Variants in MICAL2 observed in about 807,000 individuals in gnomAD.
MICAL2 encodes the protein microtubule associated monooxygenase, calponin and LIM domain containing 2.
Under a neutral mutation model 127.3 loss-of-function variants are expected in MICAL2, and 77 were observed. The observed-to-expected ratio is 0.60, with a 90% CI of 0.50 to 0.73. The LOEUF is 0.73. MICAL2 is among the 30% of genes least tolerant of loss of function. MICAL2 has a pLI of 0.00. For missense variants in MICAL2, 1,351 were observed against 1,434.4 expected, an observed-to-expected ratio of 0.94 and a Z score of 0.94; for synonymous variants, 570 against 551.1, an observed-to-expected ratio of 1.03 and a Z score of -0.48.
chr11:12,335,634 G>T (rs1938740501), intron 32 of MICAL2, among the ~76,000 whole-genome samples: 1 of 152,110 alleles, frequency 6.6e-6, no homozygotes, highest in Non-Finnish European at 1.5e-5. Flanking sequence ...TTTTGTATAA[G>T]GTGTAAGGAA....
chr11:12,248,548 G>C (rs936373262), intron 21 of MICAL2, among the ~76,000 whole-genome samples: 1 of 152,240 alleles, frequency 6.6e-6, no homozygotes, highest in Non-Finnish European at 1.5e-5. Flanking sequence ...CAAGTGGGAG[G>C]GGTGGGGGCC....
chr11:12,323,439 A>G (rs1864322444), intron 30 of MICAL2, among the ~76,000 whole-genome samples: 1 of 152,138 alleles, frequency 6.6e-6, no homozygotes, highest in Non-Finnish European at 1.5e-5. Flanking sequence ...GTAGTGAGAG[A>G]GAGAGAGTAT....
chr11:12,231,580 A>G (rs73418141), intron 15 of MICAL2, among the ~76,000 whole-genome samples: 9,038 of 152,274 alleles, frequency 0.059, 406 homozygotes, highest in East Asian at 0.28. Context: ...AGTTCTCCTC[A>G]GTACTGGGGA....
intron 3 of MICAL2, chr11:12,197,343 G>A (rs1321478427): frequency 6.6e-6 from 1 of 152,234 alleles, no homozygotes; most frequent in Non-Finnish European, 1.5e-5. Context: ...GCCTAATTCA[G>A]GGTGATTGTA....
At position 12,242,395 on chromosome 11, in the gene MICAL2, T is replaced by A. The variant is rs1256643388; in HGVS notation, c.2519T>A (p.Leu840Gln). 1 of 1,610,726 alleles carries A rather than the reference T, an allele frequency of 6.2e-7. No homozygotes were observed. The change falls in exon 19 of 28, where the codon CTG becomes CAG. Residue 840 changes from leucine (L) to glutamine (Q), a missense_variant. Leu to Gln is a moderately radical substitution (Grantham distance 113). This residue lies in a region of MICAL2 where 752 missense variants were observed against 719.4 expected (regional missense o/e 1.05). Coordinates refer to ENST00000683283, the MANE Select transcript of MICAL2 (RefSeq NM_001282663.2). ...AGGGCGCAGGCTCTTTCCGGGGTGC[T>A]GTGGCGGCTGCAGCAAGTGGAGGAA... ...RPRAQALSGV[L>Q]WRLQQVEEKI...
intron 5 of MICAL2, among the ~76,000 whole-genome samples, chr11:12,209,020 AT>A (rs11382193): frequency 5.6e-4 from 85 of 150,668 alleles, no homozygotes; most frequent in East Asian, 1.2e-3. Context: ...GCTTCACCTG[AT>A]TTTTTTTTTT....
In MICAL2 at chr11:12,283,997, A is replaced by G. The variant is rs140611021; in HGVS notation, c.254+2898A>G. Among the ~76,000 whole-genome samples, 3 of 152,308 alleles carry G rather than the reference A, an allele frequency of 2.0e-5. No individual in the cohort carries two copies. In the East Asian group the frequency reaches 5.8e-4, roughly 29 times the overall value. On this transcript the variant is annotated intron_variant, in intron 2 of 2. Coordinates refer to the MICAL2 transcript ENST00000529028. ...GTGCCAAGTGTGTGCATTCTGTGTA[A>G]GCATCCCCAGGGGCTTTGACACAGT...
chr11:12,340,470 AT>A (rs559766169), intron 32 of MICAL2, among the ~76,000 whole-genome samples: 95 of 152,328 alleles, frequency 6.2e-4, no homozygotes, highest in African/African-American at 2.1e-3. Context: ...TTGGAAAACA[AT>A]TGGGCTTTAG....
intron 3 of MICAL2, among the ~76,000 whole-genome samples, chr11:12,162,923 C>G (rs1240296974): frequency 6.6e-6 from 1 of 152,176 alleles, no homozygotes; most frequent in Admixed American, 6.5e-5. Flanking sequence ...GGCATAGTTA[C>G]AGAGTTGTGT....
intron 32 of MICAL2, among the ~76,000 whole-genome samples, chr11:12,339,604 G>C (rs1055371743): frequency 1.3e-5 from 2 of 152,092 alleles, no homozygotes; most frequent in African/African-American, 4.8e-5. Flanking sequence ...TTTGATGATG[G>C]TGATGTACAG....
chr11:12,202,120 CT>C lies in MICAL2; in HGVS notation c.265-2129del, dbSNP rs1223978981. ...CTGGGCAACAAGAGTGAAACTGTGT[CT>C]CAAAAAAAAAAAAGACTTTTACCAT... is the stretch of plus-strand genomic sequence containing the variant. On this transcript the variant is annotated intron_variant, in intron 3 of 27. Transcript: ENST00000683283. Among the ~76,000 whole-genome samples the C allele has an allele frequency of 1.5e-3, 25 of 16,230 alleles. No homozygotes were observed. The South Asian group carries it at 0.041, about 27-fold the overall frequency. The allele number at this position is 16,230 out of a possible 152,430, so 10.6% of individuals were successfully genotyped here.
intron 2 of MICAL2, among the ~76,000 whole-genome samples, chr11:12,283,114 T>C (rs1863789338): frequency 6.6e-6 from 1 of 152,190 alleles, no homozygotes; most frequent in African/African-American, 2.4e-5. Context: ...GTGGACCACA[T>C]TGTACAGTTA....
At chr11:12,140,054 A>G (rs1004716634) in intron 2 of MICAL2, among the ~76,000 whole-genome samples, 3 of 152,174 alleles carry the variant, frequency 2.0e-5, no homozygotes, top group Non-Finnish European at 2.9e-5. Context: ...ACTGACTGCC[A>G]GTTTCATCTC....
chr11:12,293,700 G>A (rs773774235), downstream of MICAL2: 3 of 1,613,934 alleles, frequency 1.9e-6, no homozygotes, highest in Non-Finnish European at 1.7e-6. Context: ...AAGCCAGAGT[G>A]GGCAGAGTAC....
rs112488844 is a variant in MICAL2 at position 12,130,004 on chromosome 11, C to T, written c.-148-8386C>T. ...CTGGGATTACAGGCGTGAGCCACTG[C>T]GCCCAGGCTATACAATTCTACTTTC... On this transcript the variant is annotated intron_variant, in intron 1 of 27. Coordinates refer to ENST00000683283, the MANE Select transcript of MICAL2 (RefSeq NM_001282663.2). 1.7e-3 allele frequency among the ~76,000 whole-genome samples: 255 copies of T among 152,326 alleles called. 2 individuals are homozygous for T. The highest frequency in any genetic ancestry group is 6.0e-3 in the African/African-American group (248 of 41,570).
chr11:12,226,969 A>G, intron 14 of MICAL2, 56 bp from the exon 15 acceptor site: 1 of 1,388,020 alleles, frequency 7.2e-7, no homozygotes, highest in Non-Finnish European at 1.0e-6. Context: ...TCCTTGTTAT[A>G]GCCATACTTC....
At chr11:12,294,657 G>C (rs374509610), downstream of MICAL2, 2 of 1,614,168 alleles carry the variant, frequency 1.2e-6, no homozygotes, top group South Asian at 2.2e-5. Flanking sequence ...TCTTTTGAGA[G>C]TTTCCTCCAA....
At chr11:12,264,252 G>A (rs988329867), downstream of MICAL2, among the ~76,000 whole-genome samples, 1 of 152,210 alleles carries the variant, frequency 6.6e-6, no homozygotes, top group Admixed American at 6.5e-5. Flanking sequence ...TGGAAGGTAA[G>A]TAGGAAGGAC....
intron 2 of MICAL2, among the ~76,000 whole-genome samples, chr11:12,142,419 T>C (rs1852440654): frequency 6.6e-6 from 1 of 152,382 alleles, no homozygotes; most frequent in South Asian, 2.1e-4. Flanking sequence ...GAGTAGCCTC[T>C]TGTGAGTTTG....
Sources: gnomAD v4.1 joint callset for allele counts (sites outside exome capture counted in the v4.1 genomes callset) on GRCh38, gnomAD v4.1.1 for gene constraint, gnomAD v4.1.1 regional missense constraint, MANE v1.5 for transcripts, NCBI Gene and HGNC (gene_info 2026-07-23, HGNC 2026-07-21) for gene names.